Variants in ALKBH8 observed in about 807,000 individuals in gnomAD.
The protein encoded by ALKBH8 is alkB homolog 8, tRNA methyltransferase, also known as tRNA (carboxymethyluridine(34)-5-O)-methyltransferase ALKBH8.
Under a neutral mutation model 59.8 loss-of-function variants are expected in ALKBH8, and 36 were observed. The observed-to-expected ratio is 0.60, with a 90% CI of 0.46 to 0.79. The LOEUF is 0.79. Ranked by LOEUF, ALKBH8 falls within the 30% of genes least tolerant of loss-of-function variation. ALKBH8 has a pLI of 0.00. For synonymous variants in ALKBH8, 276 were observed against 273.6 expected (o/e 1.01, Z -0.09); for missense variants, 768 against 801.0 (o/e 0.96, Z 0.50).
In ALKBH8 at chr11:107,502,821, T is replaced by C. The variant is rs977401897; in HGVS notation, c.*1837A>G. 1 of 152,204 alleles carries C rather than the reference T, an allele frequency of 6.6e-6. No homozygotes were observed. Among genetic ancestry groups the C allele is most frequent in the Non-Finnish European group, 1.5e-5 (1 of 68,036 alleles). The allele number at this position is 152,204 out of a possible 1,614,324, so 9.4% of individuals were successfully genotyped here. On this transcript the variant is annotated 3_prime_UTR_variant, in exon 12 of 12. Coordinates refer to ENST00000428149, the MANE Select transcript of ALKBH8 (RefSeq NM_138775.3). ...CCTCTGGGAGTAATAATAATGAACA[T>C]TTCTCAAAGCCATACTATATTCTTA... is the stretch of plus-strand genomic sequence containing the variant.
At chr11:107,522,638 AT>A (rs1261070183) in intron 9 of ALKBH8, 83 bp from the exon 10 acceptor site, 5 of 1,394,054 alleles carry the variant, frequency 3.6e-6, no homozygotes, top group Non-Finnish European at 4.7e-6. Flanking sequence ...AAAAAAAAAA[AT>A]CAATGCAAAT....
chr11:107,519,949 TTTAA>T (rs1863037063), intron 10 of ALKBH8, among the ~76,000 whole-genome samples: 1 of 152,184 alleles, frequency 6.6e-6, no homozygotes, highest in Non-Finnish European at 1.5e-5. Flanking sequence ...ATACTAAATA[TTTAA>T]TTAACCATTG....
rs374014984 is a variant in ALKBH8 at position 107,560,853 on chromosome 11, G to C, written c.41C>G (p.Thr14Ser). 44 of 1,612,734 alleles carry C rather than the reference G, an allele frequency of 2.7e-5. No homozygotes were observed. The highest frequency in any genetic ancestry group is 3.3e-5 in the Non-Finnish European group (39 of 1,179,382). Reference protein sequence around the residue: ...NHQSNYKLSKTEKKFLRKQIK... With the variant: ...NHQSNYKLSKSEKKFLRKQIK... ...CTGTTTCCTTAAGAACTTCTTCTCA[G>C]TTTTACTGAGTTTGTAATTACTTTG... The change falls in exon 2 of 12, where the codon ACT becomes AGT. Residue 14 changes from threonine to serine, a missense_variant. Transcript: ENST00000428149.
chr11:107,540,881 A>C (rs1473076032), intron 7 of ALKBH8, among the ~76,000 whole-genome samples: 1 of 152,334 alleles, frequency 6.6e-6, no homozygotes, highest in East Asian at 1.9e-4. Context: ...TATTCAACAA[A>C]TATTTTTGAA....
In ALKBH8 at chr11:107,560,703, A is replaced by G. The variant is rs1035459576; in HGVS notation, c.129+62T>C. 49 of 1,449,428 alleles carry G rather than the reference A, an allele frequency of 3.4e-5. No individual in the cohort carries two copies. In the African/African-American group the frequency reaches 5.0e-4, roughly 15 times the overall value. 89.8% of individuals were successfully genotyped at this position (1,449,428 alleles called of 1,614,324 possible). ...CCTTAGGCAATTATTAGCAAATATTAATATAATACATTAACATGTCAGTAC... is the reference window on the plus strand; with the variant it reads ...CCTTAGGCAATTATTAGCAAATATTGATATAATACATTAACATGTCAGTAC... On this transcript the variant is annotated intron_variant, in intron 2 of 11. Coordinates refer to ENST00000428149, the MANE Select transcript of ALKBH8 (RefSeq NM_138775.3).
chr11:107,560,004 G>A (rs1193687606), intron 2 of ALKBH8, among the ~76,000 whole-genome samples: 1 of 152,098 alleles, frequency 6.6e-6, no homozygotes, highest in Non-Finnish European at 1.5e-5. Flanking sequence ...TATATTCATG[G>A]AGTAATTTAA....
chr11:107,523,422 A>G (rs1863211497), intron 9 of ALKBH8, among the ~76,000 whole-genome samples: 1 of 152,110 alleles, frequency 6.6e-6, no homozygotes, highest in Non-Finnish European at 1.5e-5. Flanking sequence ...CACAGAATAG[A>G]GAGTAGTAGA....
intron 8 of ALKBH8, among the ~76,000 whole-genome samples, chr11:107,526,163 T>C (rs1286058324): frequency 2.0e-5 from 3 of 151,870 alleles, no homozygotes; most frequent in Non-Finnish European, 2.9e-5. Context: ...ACGAGTGAAA[T>C]TGGTGGGTCA....
At chr11:107,515,982 T>C (rs1407408407) in intron 10 of ALKBH8, among the ~76,000 whole-genome samples, 3 of 152,218 alleles carry the variant, frequency 2.0e-5, no homozygotes, top group African/African-American at 7.2e-5. Context: ...CCTAAGAAAA[T>C]AATTCAAAAT....
chr11:107,505,265 C>A, intron 11 of ALKBH8, 50 bp from the exon 12 acceptor site: 1 of 1,417,776 alleles, frequency 7.1e-7, no homozygotes, highest in Non-Finnish European at 9.3e-7. Context: ...GACAGGAAAT[C>A]AGAAAATAAA....
At chr11:107,508,015 G>C (rs901623097) in intron 11 of ALKBH8, among the ~76,000 whole-genome samples, 1 of 151,962 alleles carries the variant, frequency 6.6e-6, no homozygotes, top group Non-Finnish European at 1.5e-5. Context: ...TATAACTATG[G>C]CATTCAACCA....
chr11:107,522,470 T>C lies in ALKBH8; in HGVS notation c.1116A>G (p.Gln372=), dbSNP rs1216627983. ...CTTCATAAACCTGATGGACGTACTC[T>C]TGCTCCAGCCGTGAGGCTTCTTTAT... ...ESDKEASRLE[Q]EYVHQVYEEI... is the part of the protein sequence containing the mutation. The change falls in exon 10 of 12, where the codon CAA becomes CAG. Residue 372 remains glutamine (Q), a synonymous_variant. Coordinates refer to ENST00000428149, the MANE Select transcript of ALKBH8 (RefSeq NM_138775.3). 2.6e-6 allele frequency: 4 copies of C among 1,551,762 alleles called. No homozygotes were observed. Among genetic ancestry groups the C allele is most frequent in the South Asian group, 2.4e-5 (2 of 84,058 alleles).
chr11:107,554,080 C>T, intron 3 of ALKBH8, 102 bp from the exon 4 acceptor site: 1 of 1,435,772 alleles, frequency 7.0e-7, no homozygotes, highest in Non-Finnish European at 9.4e-7. Context: ...AACTTCAAAT[C>T]CTCATTTTCG....
intron 7 of ALKBH8, among the ~76,000 whole-genome samples, chr11:107,534,417 G>GGTA (rs1863724666): frequency 1.3e-5 from 2 of 152,136 alleles, no homozygotes; most frequent in Non-Finnish European, 2.9e-5. Flanking sequence ...ATCGTTTGGT[G>GGTA]AGATATCAAA....
chr11:107,505,273 A>G, intron 11 of ALKBH8, 58 bp from the exon 12 acceptor site: 1 of 1,342,724 alleles, frequency 7.4e-7, no homozygotes, highest in Non-Finnish European at 1.0e-6. Context: ...ATCAGAAAAT[A>G]AAACTGACCA....
chr11:107,519,655 C>T (rs1382276853), intron 10 of ALKBH8, among the ~76,000 whole-genome samples: 1 of 152,120 alleles, frequency 6.6e-6, no homozygotes, highest in African/African-American at 2.4e-5. Context: ...TTGAGAGTCC[C>T]TAATCTGAAA....
At chr11:107,537,513 A>C (rs61908196) in intron 7 of ALKBH8, among the ~76,000 whole-genome samples, 38,036 of 151,638 alleles carry the variant, frequency 0.25, 5,524 homozygotes, top group East Asian at 0.48. Flanking sequence ...ATGAGAACAC[A>C]TGGACACATT....
chr11:107,538,920 T>C (rs150194509), intron 7 of ALKBH8, among the ~76,000 whole-genome samples: 3 of 152,294 alleles, frequency 2.0e-5, no homozygotes, highest in African/African-American at 2.4e-5. Flanking sequence ...GTGTGATTCA[T>C]AGAGAATGAT....
At chr11:107,544,087 C>A (rs1411071635) in intron 7 of ALKBH8, among the ~76,000 whole-genome samples, 1 of 152,240 alleles carries the variant, frequency 6.6e-6, no homozygotes, top group African/African-American at 2.4e-5. Context: ...CGGGCTTCTA[C>A]TGTAGTTTTC....
Sources: gnomAD v4.1 joint callset for allele counts (sites outside exome capture counted in the v4.1 genomes callset) on GRCh38, gnomAD v4.1.1 for gene constraint, MANE v1.5 for transcripts, NCBI Gene and HGNC (gene_info 2026-07-23, HGNC 2026-07-21) for gene names.